Variants in UBE3D observed in about 807,000 individuals in gnomAD.
The protein encoded by UBE3D is ubiquitin protein ligase E3D.
A neutral mutation model predicts 49.6 loss-of-function variants in UBE3D; 48 were observed. That is an observed-to-expected ratio of 0.97 (90% CI 0.77 to 1.23). The LOEUF is 1.23. Among genes scored for constraint, UBE3D ranks in the 50% most tolerant of loss-of-function variants. The pLI, the probability that UBE3D is intolerant of heterozygous loss-of-function variation, is 0.00. For missense variants in UBE3D, 452 were observed against 468.4 expected, an observed-to-expected ratio of 0.96 and a Z score of 0.32; for synonymous variants, 189 against 174.2, an observed-to-expected ratio of 1.08 and a Z score of -0.67.
At chr6:82,972,051 AAG>A (rs1228171485) in intron 8 of UBE3D, among the ~76,000 whole-genome samples, 7 of 152,184 alleles carry the variant, frequency 4.6e-5, no homozygotes, top group Non-Finnish European at 8.8e-5. Context: ...TTCAGCAGAA[AAG>A]AGAGAGATGA....
rs1168285745 is a variant in UBE3D, at chr6:82,918,059, C to G, written c.1150-25017G>C. 2.0e-5 allele frequency among the ~76,000 whole-genome samples: 3 copies of G among 152,240 alleles called. No individual in the cohort carries two copies. The East Asian group carries it at 5.8e-4, about 29-fold the overall frequency. ...TCTGCTTTCTTTGCTAAATTTGTCT[C>G]TTGGCCAAATTCTTTCTCCCAAGTA... On this transcript the variant is annotated intron_variant, in intron 9 of 9. Coordinates refer to ENST00000369747, the MANE Select transcript of UBE3D (RefSeq NM_198920.3).
intron 3 of UBE3D, among the ~76,000 whole-genome samples, chr6:83,049,355 ACATTCT>A (rs1783301730): frequency 6.6e-6 from 1 of 152,198 alleles, no homozygotes; most frequent in Admixed American, 6.5e-5. Context: ...AATTCAGGTG[ACATTCT>A]CTGACTGGCA....
In UBE3D at chr6:83,031,313, G is replaced by A. The variant is rs534967506; in HGVS notation, c.667+7103C>T. Among the ~76,000 whole-genome samples, 86 of 152,254 alleles carry A rather than the reference G, an allele frequency of 5.6e-4. 1 individual carries two copies. Among genetic ancestry groups the A allele is most frequent in the Non-Finnish European group, 5.4e-4 (37 of 68,004 alleles). ...CATGAGCTACCATACCCAGCCTGGCGGAAGAAATTTCTAACCAGTAAAGCA... is the reference window on the plus strand; with the variant it reads ...CATGAGCTACCATACCCAGCCTGGCAGAAGAAATTTCTAACCAGTAAAGCA... On this transcript the variant is annotated intron_variant, in intron 5 of 9. Transcript: ENST00000369747.
intron 8 of UBE3D, among the ~76,000 whole-genome samples, chr6:83,010,393 T>C (rs1001979575): frequency 6.6e-6 from 1 of 152,146 alleles, no homozygotes; most frequent in African/African-American, 2.4e-5. Context: ...AGTTTTAAAC[T>C]ATCCAGCTGT....
rs569461151 is a variant in UBE3D, at chr6:82,995,675, C to T, written c.1010+23298G>A. On this transcript the variant is annotated intron_variant, in intron 8 of 9. Transcript: ENST00000369747. ...ATTTTATCAGGCCAAAATTAGTAAG[C>T]CTGATAGTATCAAGTATTGTAACAG... Among the ~76,000 whole-genome samples, 9 of 152,198 alleles carry T rather than the reference C, an allele frequency of 5.9e-5. No homozygotes were observed. In the South Asian group the frequency reaches 1.9e-3, roughly 32 times the overall value.
intron 9 of UBE3D, among the ~76,000 whole-genome samples, chr6:82,924,243 C>T (rs1045722700): frequency 1.8e-4 from 27 of 152,022 alleles, no homozygotes; most frequent in African/African-American, 4.8e-5. Context: ...TAGCCATTTT[C>T]TTGCAGAGCT....
At chr6:82,981,083 G>A (rs1047145230) in intron 8 of UBE3D, among the ~76,000 whole-genome samples, 6 of 151,976 alleles carry the variant, frequency 3.9e-5, no homozygotes, top group Admixed American at 6.6e-5. Flanking sequence ...TACCTTATAT[G>A]TTATCCAATT....
intron 2 of UBE3D, among the ~76,000 whole-genome samples, chr6:83,055,642 G>C (rs1393825431): frequency 1.4e-4 from 21 of 152,074 alleles, no homozygotes; most frequent in Non-Finnish European, 2.5e-4. Flanking sequence ...TTGCTGCGGG[G>C]GATCAATCTA....
At chr6:83,051,019 A>G (rs765684167) in intron 3 of UBE3D, among the ~76,000 whole-genome samples, 3 of 152,252 alleles carry the variant, frequency 2.0e-5, no homozygotes, top group African/African-American at 4.8e-5. Flanking sequence ...TGAAACAAAA[A>G]GGTTTGAAAC....
intron 4 of UBE3D, among the ~76,000 whole-genome samples, chr6:83,038,836 G>A (rs1278610953): frequency 1.3e-5 from 2 of 151,702 alleles, no homozygotes; most frequent in Non-Finnish European, 2.9e-5. Flanking sequence ...CAGGGTTGAT[G>A]ACTTGCCCCA....
chr6:82,884,246 T>C, the UBE3D span, among the ~76,000 whole-genome samples: 4 of 152,170 alleles, frequency 2.6e-5, no homozygotes, highest in African/African-American at 9.7e-5. Context: ...AGTGAAACTT[T>C]GGCTTATTGA....
At chr6:83,049,995 T>C (rs6906293) in intron 3 of UBE3D, among the ~76,000 whole-genome samples, 118,330 of 152,042 alleles carry the variant, frequency 0.78, 46,207 homozygotes, top group East Asian at 0.91. Context: ...ACAAATTTTA[T>C]AGAAAAACTG....
chr6:82,974,265 G>A (rs980463163), intron 8 of UBE3D, among the ~76,000 whole-genome samples: 7 of 152,126 alleles, frequency 4.6e-5, no homozygotes, highest in African/African-American at 1.7e-4. Context: ...CACAAAAACC[G>A]GTCCCTTGTG....
chr6:83,055,811 A>G (rs1464055027), intron 2 of UBE3D, among the ~76,000 whole-genome samples: 3 of 152,226 alleles, frequency 2.0e-5, no homozygotes, highest in South Asian at 2.1e-4. Context: ...ACCCTGAAAC[A>G]CAAACTGAAG....
At chr6:83,010,787 T>C (rs1780282521) in intron 8 of UBE3D, among the ~76,000 whole-genome samples, 1 of 152,176 alleles carries the variant, frequency 6.6e-6, no homozygotes, top group African/African-American at 2.4e-5. Context: ...TTCATGTTTT[T>C]TTCTGTCTGC....
chr6:82,939,796 T>A (rs975775751), intron 9 of UBE3D, among the ~76,000 whole-genome samples: 13 of 152,226 alleles, frequency 8.5e-5, no homozygotes, highest in African/African-American at 2.9e-4. Context: ...AAGTGATACA[T>A]GACGGTATTT....
intron 9 of UBE3D, among the ~76,000 whole-genome samples, chr6:82,944,278 G>A (rs1775240073): frequency 6.6e-6 from 1 of 152,172 alleles, no homozygotes; most frequent in Non-Finnish European, 1.5e-5. Flanking sequence ...CTCGGCCACA[G>A]TATGACAGAG....
chr6:82,936,005 G>A (rs780390451), intron 9 of UBE3D, among the ~76,000 whole-genome samples: 16 of 151,944 alleles, frequency 1.1e-4, no homozygotes, highest in South Asian at 2.1e-4. Flanking sequence ...GTGTTTTTAA[G>A]TGGAACCAGG....
chr6:82,885,385 G>T, the UBE3D span, among the ~76,000 whole-genome samples: 1 of 152,152 alleles, frequency 6.6e-6, no homozygotes, highest in South Asian at 2.1e-4. Flanking sequence ...AAGGAGGGGT[G>T]GCAGACCAGC....
Sources: gnomAD v4.1 joint callset for allele counts (sites outside exome capture counted in the v4.1 genomes callset) on GRCh38, gnomAD v4.1.1 for gene constraint, MANE v1.5 for transcripts, NCBI Gene and HGNC (gene_info 2026-07-23, HGNC 2026-07-21) for gene names.